BLTP2: variants seen among roughly 807,000 people sequenced by gnomAD.
BLTP2 encodes the protein bridge-like lipid transfer protein family member 2.
At chr17:28,636,313 A>G in the BLTP2 span, among the ~76,000 whole-genome samples, 4 of 152,168 alleles carry the variant, frequency 2.6e-5, no homozygotes, top group African/African-American at 7.2e-5. Context: ...TCCCATGTCC[A>G]TTTGTTACCC....
At chr17:28,634,971 T>C in the BLTP2 span, 1 of 1,613,538 alleles carries the variant, frequency 6.2e-7, no homozygotes, top group African/African-American at 1.3e-5. Context: ...GCTCAACCTT[T>C]AAGAGTAGAT....
the BLTP2 span, among the ~76,000 whole-genome samples, chr17:28,625,213 G>A: frequency 3.5e-3 from 533 of 151,380 alleles, 3 homozygotes; most frequent in Admixed American, 8.8e-3. Flanking sequence ...GCATGCACCT[G>A]TAATCCCAGC....
At chr17:28,640,143 C>T in the BLTP2 span, 4 of 1,175,924 alleles carry the variant, frequency 3.4e-6, no homozygotes, top group Admixed American at 4.6e-5. Flanking sequence ...TCTTGTAATC[C>T]CAGCCCTTTG....
the BLTP2 span, chr17:28,617,421 T>G: frequency 1.3e-6 from 1 of 741,712 alleles, no homozygotes; most frequent in Non-Finnish European, 2.3e-6. Flanking sequence ...TACATATGCC[T>G]AATCCCAACC....
At chr17:28,620,504 C>T in the BLTP2 span, 1 of 1,614,120 alleles carries the variant, frequency 6.2e-7, no homozygotes, top group Non-Finnish European at 8.5e-7. Flanking sequence ...AGGGCCCATG[C>T]TCACCTTCCG....
At chr17:28,615,656 C>A in the BLTP2 span, 1 of 1,613,312 alleles carries the variant, frequency 6.2e-7, no homozygotes, top group Non-Finnish European at 8.5e-7. Flanking sequence ...TGAGCCCTGG[C>A]GGGATACCTG....
the BLTP2 span, chr17:28,640,787 C>T: frequency 3.0e-5 from 33 of 1,093,774 alleles, no homozygotes; most frequent in East Asian, 7.5e-4. Flanking sequence ...ATAAAGTAGG[C>T]TAAGCAAATG....
At chr17:28,615,819 G>A in the BLTP2 span, 20 of 1,599,230 alleles carry the variant, frequency 1.3e-5, no homozygotes, top group Admixed American at 1.3e-4. Context: ...AGGGGGAGGG[G>A]AAAGAAAAAA....
At chr17:28,640,373 AC>A in the BLTP2 span, 1 of 600,150 alleles carries the variant, frequency 1.7e-6, no homozygotes, top group South Asian at 2.1e-5. Flanking sequence ...AGCCTGGGCA[AC>A]AGAGCAAGAC....
chr17:28,643,923 T>G, the BLTP2 span: 1 of 1,197,106 alleles, frequency 8.4e-7, no homozygotes, highest in South Asian at 1.5e-5. Flanking sequence ...TCTAAGATCA[T>G]CTTGGCAAAG....
the BLTP2 span, chr17:28,628,343 C>A: frequency 6.2e-7 from 1 of 1,614,108 alleles, no homozygotes; most frequent in African/African-American, 1.3e-5. Context: ...CTAGTTGGGA[C>A]ACCCCGCTTT....
the BLTP2 span, chr17:28,628,144 T>C: frequency 1.2e-4 from 107 of 860,852 alleles, no homozygotes; most frequent in Non-Finnish European, 1.8e-4. Flanking sequence ...GAAGGAAAAA[T>C]AATAGTTTCA....
the BLTP2 span, chr17:28,632,897 T>C: frequency 1.4e-6 from 2 of 1,399,820 alleles, no homozygotes; most frequent in Non-Finnish European, 9.5e-7. Flanking sequence ...TCCATGCCCG[T>C]CCTCCCAAGC....
At chr17:28,623,736 G>A in the BLTP2 span, 5 of 1,595,170 alleles carry the variant, frequency 3.1e-6, no homozygotes, top group Non-Finnish European at 4.3e-6. Context: ...AATATAATGG[G>A]CCTTCACAAA....
the BLTP2 span, among the ~76,000 whole-genome samples, chr17:28,622,360 T>C: frequency 3.3e-5 from 5 of 152,156 alleles, no homozygotes; most frequent in African/African-American, 4.8e-5. Context: ...TTACCTCTTA[T>C]TACACTTGAG....
the BLTP2 span, chr17:28,615,949 T>C: frequency 9.5e-7 from 1 of 1,052,834 alleles, no homozygotes; most frequent in Non-Finnish European, 1.4e-6. Flanking sequence ...GTAATGATGC[T>C]GACTCTTGAG....
chr17:28,623,993 A>G, the BLTP2 span: 1 of 1,606,416 alleles, frequency 6.2e-7, no homozygotes, highest in Non-Finnish European at 8.5e-7. Context: ...AGCAGAGTTA[A>G]GCTACCAAGG....
chr17:28,633,939 A>G, the BLTP2 span: 4 of 1,613,896 alleles, frequency 2.5e-6, no homozygotes, highest in African/African-American at 2.7e-5. Context: ...GTTCCTCTCC[A>G]CTGCCACGTT....
the BLTP2 span, chr17:28,617,216 G>A: frequency 6.2e-7 from 1 of 1,606,102 alleles, no homozygotes; most frequent in Non-Finnish European, 8.5e-7. Flanking sequence ...ACTAGGAAAG[G>A]GGAAAAAAGA....
Sources: allele counts gnomAD v4.1 joint callset (sites outside exome capture counted in the v4.1 genomes callset), GRCh38; gene constraint gnomAD v4.1.1; transcripts MANE v1.5; gene names NCBI Gene and HGNC (gene_info 2026-07-23, HGNC 2026-07-21).